The following FBXL7 variants were observed in gnomAD, a reference collection of about 807,000 sequenced individuals.
FBXL7 encodes F-box and leucine rich repeat protein 7, also known as F-box/LRR-repeat protein 7.
In FBXL7, 12 loss-of-function variants were observed where a neutral mutation model predicts 38.3. The observed-to-expected ratio is 0.31, with a 90% CI of 0.20 to 0.51. The LOEUF (loss-of-function observed/expected upper bound fraction) is 0.51, where lower values mean the gene tolerates loss of function less well. FBXL7 is among the 20% of genes least tolerant of loss of function. The pLI, the probability that FBXL7 is intolerant of heterozygous loss-of-function variation, is 0.98. For missense variants in FBXL7, 567 were observed against 676.4 expected (o/e 0.84, Z 1.79); for synonymous variants, 297 against 300.9 (o/e 0.99, Z 0.13).
chr5:15,558,856 T>C (rs562570593), intron 1 of FBXL7, among the ~76,000 whole-genome samples: 2 of 152,198 alleles, frequency 1.3e-5, no homozygotes, highest in Non-Finnish European at 2.9e-5. Flanking sequence ...GCAGTTGTCA[T>C]GGTAAGCCAG....
chr5:15,696,707 C>CA (rs1280441457), intron 2 of FBXL7, among the ~76,000 whole-genome samples: 5 of 152,172 alleles, frequency 3.3e-5, no homozygotes, highest in Non-Finnish European at 5.9e-5. Flanking sequence ...CTTTTCTTTT[C>CA]AAAATAGTTT....
chr5:15,697,325 CAA>C (rs1215989096), intron 2 of FBXL7, among the ~76,000 whole-genome samples: 8 of 151,942 alleles, frequency 5.3e-5, no homozygotes, highest in Non-Finnish European at 1.0e-4. Context: ...AATTTATAAT[CAA>C]GAGTACAGTG....
intron 2 of FBXL7, among the ~76,000 whole-genome samples, chr5:15,719,965 C>T (rs539680589): frequency 1.3e-5 from 2 of 148,740 alleles, no homozygotes; most frequent in Non-Finnish European, 3.0e-5. Context: ...GAGAAGTCTG[C>T]GTATTCCCTA....
At chr5:15,500,821 A>G (rs572636935) in intron 1 of FBXL7, 108 bp downstream of exon 1, 3 of 1,359,134 alleles carry the variant, frequency 2.2e-6, no homozygotes, top group East Asian at 2.5e-5. Flanking sequence ...GACGCACCCC[A>G]TTTGGCACCC....
At chr5:15,730,803 G>T (rs940445863) in intron 2 of FBXL7, among the ~76,000 whole-genome samples, 3 of 152,154 alleles carry the variant, frequency 2.0e-5, no homozygotes, top group Non-Finnish European at 4.4e-5. Context: ...AATTAAAGGT[G>T]AATTTCTCCA....
chr5:15,900,234 G>A (rs1741202592), intron 2 of FBXL7, among the ~76,000 whole-genome samples: 1 of 152,196 alleles, frequency 6.6e-6, no homozygotes, highest in Admixed American at 6.5e-5. Flanking sequence ...TTACAGGACA[G>A]CATCTCTAAA....
At chr5:15,738,921 C>T (rs1015522629) in intron 2 of FBXL7, among the ~76,000 whole-genome samples, 5 of 152,206 alleles carry the variant, frequency 3.3e-5, no homozygotes, top group African/African-American at 1.2e-4. Context: ...GATGCCTGTC[C>T]ACAGACATCT....
intron 2 of FBXL7, among the ~76,000 whole-genome samples, chr5:15,628,408 G>T (rs976837380): frequency 6.6e-6 from 1 of 152,166 alleles, no homozygotes; most frequent in African/African-American, 2.4e-5. Context: ...AGTATCTTGA[G>T]GGTAGTGGCC....
chr5:15,785,599 A>C (rs1737114230), intron 2 of FBXL7, among the ~76,000 whole-genome samples: 2 of 152,236 alleles, frequency 1.3e-5, no homozygotes, highest in South Asian at 4.1e-4. Flanking sequence ...AAGGAAAAAA[A>C]TTAGCCCCAT....
At chr5:15,731,735 G>A (rs376455708) in intron 2 of FBXL7, among the ~76,000 whole-genome samples, 6 of 152,216 alleles carry the variant, frequency 3.9e-5, no homozygotes, top group African/African-American at 9.6e-5. Context: ...TTTTCATGCC[G>A]AGAGTTCTGT....
At chr5:15,818,716 G>A (rs902079857) in intron 2 of FBXL7, among the ~76,000 whole-genome samples, 4 of 87,248 alleles carry the variant, frequency 4.6e-5, no homozygotes, top group Non-Finnish European at 1.1e-4. Flanking sequence ...GTGTGTGTGT[G>A]TGTGTGTGTG....
intron 2 of FBXL7, among the ~76,000 whole-genome samples, chr5:15,670,602 A>T (rs1742433680): frequency 6.6e-6 from 1 of 152,118 alleles, no homozygotes; most frequent in Admixed American, 6.6e-5. Flanking sequence ...GGAGTTCGAG[A>T]CCAGCCTGGC....
intron 2 of FBXL7, among the ~76,000 whole-genome samples, chr5:15,774,070 C>T (rs1468101880): frequency 6.6e-6 from 1 of 151,716 alleles, no homozygotes; most frequent in African/African-American, 2.4e-5. Context: ...TTTTACAGAT[C>T]TGGAGGTCAG....
intron 2 of FBXL7, among the ~76,000 whole-genome samples, chr5:15,642,000 T>C (rs1429455653): frequency 6.6e-6 from 1 of 151,620 alleles, no homozygotes; most frequent in African/African-American, 2.4e-5. Context: ...ATTGGTTCTA[T>C]TTCTCTGCAA....
chr5:15,869,692 T>G (rs1739868852), intron 2 of FBXL7, among the ~76,000 whole-genome samples: 1 of 152,316 alleles, frequency 6.6e-6, no homozygotes, highest in South Asian at 2.1e-4. Context: ...AAACATATTT[T>G]GAGCATATAT....
intron 1 of FBXL7, among the ~76,000 whole-genome samples, chr5:15,582,350 T>C (rs184149862): frequency 6.6e-6 from 1 of 152,354 alleles, no homozygotes; most frequent in Non-Finnish European, 1.5e-5. Flanking sequence ...AATATTAGGA[T>C]ATGCTGAATC....
intron 2 of FBXL7, among the ~76,000 whole-genome samples, chr5:15,748,006 T>G (rs1308226154): frequency 6.6e-6 from 1 of 152,130 alleles, no homozygotes; most frequent in Non-Finnish European, 1.5e-5. Flanking sequence ...CTTTACCTAT[T>G]CCAGTGGTTC....
At chr5:15,637,780 A>G (rs773894518) in intron 2 of FBXL7, among the ~76,000 whole-genome samples, 5 of 152,234 alleles carry the variant, frequency 3.3e-5, no homozygotes, top group Admixed American at 6.5e-5. Flanking sequence ...CTAAGGCATC[A>G]TTCTCTGGAC....
At chr5:15,633,000 A>G (rs1051815545) in intron 2 of FBXL7, among the ~76,000 whole-genome samples, 2 of 152,212 alleles carry the variant, frequency 1.3e-5, no homozygotes, top group African/African-American at 2.4e-5. Flanking sequence ...AGCTAAAACA[A>G]AAGTTGAAAT....
Sources: gnomAD v4.1 joint callset for allele counts (sites outside exome capture counted in the v4.1 genomes callset) on GRCh38, gnomAD v4.1.1 for gene constraint, MANE v1.5 for transcripts, NCBI Gene and HGNC (gene_info 2026-07-23, HGNC 2026-07-21) for gene names.